The following CCDC28B variants were observed in gnomAD, a reference collection of about 807,000 sequenced individuals.
The protein encoded by CCDC28B is coiled-coil domain-containing protein 28B.
CCDC28B carries 17 observed loss-of-function variants against 18.7 expected under a neutral mutation model. That is an observed-to-expected ratio of 0.91 (90% CI 0.62 to 1.36). The LOEUF is 1.36. Ranked by LOEUF, CCDC28B falls within the 40% of genes most tolerant of loss-of-function variation. The pLI is 0.00. For missense variants in CCDC28B, 213 were observed against 251.7 expected (o/e 0.85, Z 1.04); for synonymous variants, 116 against 105.1 (o/e 1.10, Z -0.64).
upstream of CCDC28B, chr1:32,197,330 C>G (rs1643047585): frequency 6.6e-6 from 1 of 152,338 alleles, no homozygotes; most frequent in South Asian, 2.1e-4. This position sits in a 1 kb window ranked among gnomAD's most constrained non-coding sequence, Gnocchi z 4.6. Context: ...GCTGCTGGAT[C>G]CCAGTGTGGT....
rs556501755 is a variant in CCDC28B, at chr1:32,204,817, G to A, written c.548+197G>A. 27 of 1,573,204 alleles carry A rather than the reference G, an allele frequency of 1.7e-5. No individual in the cohort carries two copies. The East Asian group carries it at 5.7e-4, about 33-fold the overall frequency. The stretch of plus-strand genomic sequence containing the variant: ...AAATTAGAAGAAAAGTGGTTGTAGG[G>A]GATGTTTTACTACTGATCAAAATCT... On this transcript the variant is annotated intron_variant, in intron 5 of 5. Coordinates refer to ENST00000373602, the MANE Select transcript of CCDC28B (RefSeq NM_024296.5).
At position 32,202,097 on chromosome 1, in the gene CCDC28B, G is replaced by A. The variant is rs1336911115; in HGVS notation, c.162G>A (p.Lys54=). ...LPSPKQRAKF[K]RVGKEKCRPV... ...CCCCCAAGCAGCGGGCCAAGTTCAA[G>A]AGGTGGGTACAGAAGGGAAGGAAAG... The change falls in exon 2 of 6, where the codon AAG becomes AAA. Residue 54 remains lysine (K), a splice_region_variant and synonymous_variant. Transcript: ENST00000373602. 3.1e-6 allele frequency: 5 copies of A among 1,612,630 alleles called. No homozygotes were observed. Among genetic ancestry groups the A allele is most frequent in the Non-Finnish European group, 4.2e-6 (5 of 1,179,284 alleles).
chr1:32,202,256 C>A, intron 2 of CCDC28B, 157 bp downstream of exon 2: 1 of 964,438 alleles, frequency 1.0e-6, no homozygotes, highest in Non-Finnish European at 1.6e-6. Flanking sequence ...AGACCCAGTC[C>A]CTACCCTCAA....
chr1:32,201,942 G>A lies in CCDC28B; in HGVS notation c.7G>A (p.Asp3Asn). MD[D>N]KKKKRSPKPC... ...GAGGCCCAGCCAGCGCCCAATGGAT[G>A]ACAAAAAGAAGAAACGGAGTCCCAA... The change falls in exon 2 of 6, where the codon GAC becomes AAC. Residue 3 changes from aspartate to asparagine, a missense_variant. Transcript: ENST00000373602. 1 of 1,600,042 alleles carries A rather than the reference G, an allele frequency of 6.2e-7. No individual in the cohort carries two copies.
upstream of CCDC28B, chr1:32,197,097 C>A (rs1643041956): frequency 6.6e-6 from 1 of 152,334 alleles, no homozygotes; most frequent in Non-Finnish European, 1.5e-5. The surrounding 1 kb of genome is among the most constrained non-coding windows in gnomAD (Gnocchi z 4.6). Context: ...GTCCTTGCCT[C>A]TTCCTGCTCC....
chr1:32,204,295 G>A lies in CCDC28B; in HGVS notation c.441G>A (p.Glu147=). The change falls in exon 4 of 6, where the codon GAG becomes GAA. Residue 147 remains glutamate (E), a synonymous_variant. Coordinates refer to ENST00000373602, the MANE Select transcript of CCDC28B (RefSeq NM_024296.5). The part of the protein sequence containing the change: ...DVCGEEEDDE[E]EEDGVTEGLP... ...GTGGGGAGGAGGAGGACGATGAAGA[G>A]GAAGAGGATGGGGTCACTGAGGGGC... The A allele has an allele frequency of 1.2e-6, 2 of 1,613,710 alleles. No individual in the cohort carries two copies. Among genetic ancestry groups the A allele is most frequent in the Non-Finnish European group, 1.7e-6 (2 of 1,179,798 alleles).
intron 5 of CCDC28B, 183 bp downstream of exon 5, chr1:32,204,803 A>G: frequency 6.3e-7 from 1 of 1,589,740 alleles, no homozygotes; most frequent in Admixed American, 1.8e-5. Context: ...AATTAGAAGA[A>G]AAGTGGTTGT....
In CCDC28B at chr1:32,205,024, A is replaced by AGAGAGGGGGT; in HGVS notation, c.549-164_549-155dup. 2 of 1,176,284 alleles carry AGAGAGGGGGT rather than the reference A, an allele frequency of 1.7e-6. No individual in the cohort carries two copies. The highest frequency in any genetic ancestry group is 2.4e-6 in the Non-Finnish European group (2 of 846,828). 72.9% of individuals were successfully genotyped at this position (1,176,284 alleles called of 1,614,324 possible). A position where few individuals can be genotyped will look rare whatever the true frequency, so the allele number is the denominator to read the frequency against. On this transcript the variant is annotated intron_variant, in intron 5 of 5. Coordinates refer to ENST00000373602, the MANE Select transcript of CCDC28B (RefSeq NM_024296.5). This position sits in a 1 kb window ranked among gnomAD's most constrained non-coding sequence, Gnocchi z 5.6. Reference sequence around the variant, plus strand: ...TCTGACCTGCACGATCTGGATGAAGAGAGAGGGGGTGAGAGAGGGCAGGCG... The same window carrying AGAGAGGGGGT: ...TCTGACCTGCACGATCTGGATGAAGAGAGAGGGGGTGAGAGGGGGTGAGAGAGGGCAGGCG...
intron 1 of CCDC28B, 104 bp downstream of exon 1, chr1:32,200,813 G>C (rs924534790): frequency 6.6e-6 from 1 of 152,200 alleles, no homozygotes; most frequent in African/African-American, 2.4e-5. Flanking sequence ...TTGGCACATG[G>C]CTTTGGAGCC....
In CCDC28B at chr1:32,203,976, G is replaced by A. The variant is rs756127479; in HGVS notation, c.262G>A (p.Val88Ile). 1.3e-6 allele frequency: 2 copies of A among 1,579,062 alleles called. No homozygotes were observed. Among genetic ancestry groups the A allele is most frequent in the Admixed American group, 1.8e-5 (1 of 54,118 alleles). The change falls in exon 3 of 6, where the codon GTC (valine) becomes ATC (isoleucine). Residue 88 changes from valine (V) to isoleucine (I), a missense_variant. By Grantham distance (29) the Val-to-Ile change is conservative. Coordinates refer to ENST00000373602, the MANE Select transcript of CCDC28B (RefSeq NM_024296.5). ...CTCCTTCCTGACCGAGGTGACTGAT[G>A]TCTATGAGATGGAGGGGGGACTCCT... The part of the protein sequence containing the change: ...QHSFLTEVTD[V>I]YEMEGGLLNL...
At position 32,204,333 on chromosome 1, in the gene CCDC28B, A is replaced by C; in HGVS notation, c.479A>C (p.Gln160Pro). ...GTCACTGAGGGGCTGCCAGAGGAGCAGAAGAAGACAATGGCTGACCGTAAC... is the reference window on the plus strand; with the variant it reads ...GTCACTGAGGGGCTGCCAGAGGAGCCGAAGAAGACAATGGCTGACCGTAAC... ...DGVTEGLPEEQKKTMADRNLD... is the reference protein window; with the variant it reads ...DGVTEGLPEEPKKTMADRNLD... Residue 160 changes from glutamine to proline, a missense_variant, in exon 4 of 6, where the codon CAG (glutamine) becomes CCG (proline). Gln to Pro is a moderately conservative substitution (Grantham distance 76). Coordinates refer to ENST00000373602, the MANE Select transcript of CCDC28B (RefSeq NM_024296.5). 1.2e-6 allele frequency: 2 copies of C among 1,606,814 alleles called. No individual in the cohort carries two copies. The highest frequency in any genetic ancestry group is 1.7e-6 in the Non-Finnish European group (2 of 1,176,078).
chr1:32,197,660 CTG>C (rs1643053115), upstream of CCDC28B: 1 of 152,260 alleles, frequency 6.6e-6, no homozygotes, highest in South Asian at 2.1e-4. The surrounding 1 kb of genome is among the most constrained non-coding windows in gnomAD (Gnocchi z 4.6). Flanking sequence ...GGACCAAGAT[CTG>C]TGTTGGTTTC....
upstream of CCDC28B, chr1:32,198,184 G>A (rs1643065391): frequency 6.6e-6 from 1 of 152,276 alleles, no homozygotes; most frequent in Non-Finnish European, 1.5e-5. Context: ...CTTGTTTGAA[G>A]CTGCACTGGC....
At chr1:32,201,751 G>A (rs1643151617) in intron 1 of CCDC28B, 162 bp from the exon 2 acceptor site, 1 of 587,892 alleles carries the variant, frequency 1.7e-6, no homozygotes, top group East Asian at 2.9e-5. Flanking sequence ...GTACATCCAC[G>A]ATCCCAGCAG....
chr1:32,205,299 T>A lies in CCDC28B; in HGVS notation c.*51T>A. The A allele has an allele frequency of 6.5e-7, 1 of 1,539,198 alleles. No individual in the cohort carries two copies. On this transcript the variant is annotated 3_prime_UTR_variant, in exon 6 of 6. Coordinates refer to ENST00000373602, the MANE Select transcript of CCDC28B (RefSeq NM_024296.5). The surrounding 1 kb of genome is among the most constrained non-coding windows in gnomAD (Gnocchi z 5.6). Reference sequence around the variant, plus strand: ...CCTCTCATTCTCTTCAAACTGTGACTTTTTACAGACTCGGGCGGGTGTTCT... The same window carrying A: ...CCTCTCATTCTCTTCAAACTGTGACATTTTACAGACTCGGGCGGGTGTTCT...
chr1:32,204,475 G>A (rs1643252409), intron 4 of CCDC28B, 96 bp downstream of exon 4: 1 of 1,511,724 alleles, frequency 6.6e-7, no homozygotes, highest in African/African-American at 1.4e-5. Flanking sequence ...GTGAAAAGGT[G>A]GGAGTGCATG....
chr1:32,205,148 G>A lies in CCDC28B; in HGVS notation c.549-46G>A. 1 of 1,607,760 alleles carries A rather than the reference G, an allele frequency of 6.2e-7. No individual in the cohort carries two copies. On this transcript the variant is annotated intron_variant, in intron 5 of 5. Transcript: ENST00000373602. The surrounding 1 kb of genome is among the most constrained non-coding windows in gnomAD (Gnocchi z 5.6). ...CCTGTGCAAGATGGGAGACCGGGGT[G>A]GGAGGAAGGACTGGTCCAAAGCGCC... is the stretch of plus-strand genomic sequence containing the variant.
intron 1 of CCDC28B, among the ~76,000 whole-genome samples, chr1:32,201,038 C>A (rs919105241): frequency 2.0e-5 from 3 of 151,736 alleles, no homozygotes; most frequent in African/African-American, 4.8e-5. Flanking sequence ...CCCCCCCAAC[C>A]CCCCCAGTCC....
rs781195500 is a variant in CCDC28B, at chr1:32,205,222, G to A, written c.577G>A (p.Glu193Lys). ...IQKLHLAENAEPEEQSAA is the reference protein window; with the variant it reads ...IQKLHLAENAKPEEQSAA ...GAAGCTGCACCTGGCCGAGAACGCC[G>A]AGCCTGAGGAGCAGTCCGCTGCGTA... Residue 193 changes from glutamate to lysine, a missense_variant, in exon 6 of 6, where the codon GAG becomes AAG. Coordinates refer to ENST00000373602, the MANE Select transcript of CCDC28B (RefSeq NM_024296.5). This position sits in a 1 kb window ranked among gnomAD's most constrained non-coding sequence, Gnocchi z 5.6. The A allele has an allele frequency of 3.7e-6, 6 of 1,613,812 alleles. No individual in the cohort carries two copies. Among genetic ancestry groups the A allele is most frequent in the South Asian group, 3.3e-5 (3 of 91,036 alleles).
Sources: gnomAD v4.1 joint callset for allele counts (sites outside exome capture counted in the v4.1 genomes callset) on GRCh38, gnomAD v4.1.1 for gene constraint, Gnocchi (gnomAD v3.1) non-coding constraint, MANE v1.5 for transcripts, NCBI Gene and HGNC (gene_info 2026-07-23, HGNC 2026-07-21) for gene names.